ANKHD1: variants seen among roughly 807,000 people sequenced by gnomAD.
The protein encoded by ANKHD1 is ankyrin repeat and KH domain-containing protein 1.
ANKHD1 carries 31 observed loss-of-function variants against 230.5 expected under a neutral mutation model. The ratio of observed to expected loss-of-function variants is 0.13; its 90% CI spans 0.10 to 0.18. The LOEUF (loss-of-function observed/expected upper bound fraction) is 0.18. Ranked by LOEUF, ANKHD1 falls within the 10% of genes least tolerant of loss-of-function variation. The probability of loss-of-function intolerance (pLI) is 1.00; values close to 1 mark genes in which losing one functional copy is unlikely to be tolerated. For synonymous variants in ANKHD1, 1,074 were observed against 1,117.6 expected, an observed-to-expected ratio of 0.96 and a Z score of 0.78; for missense variants, 2,256 against 3,071.3, an observed-to-expected ratio of 0.73 and a Z score of 6.27.
chr5:140,471,186 A>C (rs1390052935), intron 10 of ANKHD1, among the ~76,000 whole-genome samples: 1 of 152,154 alleles, frequency 6.6e-6, no homozygotes, highest in Admixed American at 6.5e-5. Context: ...AGTGATGCTC[A>C]ATCTGTATTT....
chr5:140,517,379 A>C (rs1753073633), intron 24 of ANKHD1, among the ~76,000 whole-genome samples: 1 of 150,304 alleles, frequency 6.7e-6, no homozygotes, highest in Non-Finnish European at 1.5e-5. Context: ...TAGACAGATC[A>C]ACGAGACAGA....
At chr5:140,530,638 T>C (rs566350020) in intron 29 of ANKHD1, among the ~76,000 whole-genome samples, 4 of 152,380 alleles carry the variant, frequency 2.6e-5, no homozygotes, top group Non-Finnish European at 4.4e-5. Context: ...GAGAAATATA[T>C]AGACAGATCT....
intron 2 of ANKHD1, 85 bp from the exon 3 acceptor site, chr5:140,438,376 T>A (rs1007571215): frequency 1.2e-5 from 17 of 1,430,284 alleles, no homozygotes; most frequent in Non-Finnish European, 1.4e-5. Context: ...TAGATAATAG[T>A]GTTTAGAAAT....
At chr5:140,422,013 T>A (rs1772020207) in intron 1 of ANKHD1, among the ~76,000 whole-genome samples, 1 of 152,204 alleles carries the variant, frequency 6.6e-6, no homozygotes, top group Non-Finnish European at 1.5e-5. Flanking sequence ...GAAGAAAATC[T>A]TGGTTAATTT....
chr5:140,510,820 T>C (rs1001708832), intron 22 of ANKHD1, among the ~76,000 whole-genome samples: 9 of 149,864 alleles, frequency 6.0e-5, no homozygotes, highest in Non-Finnish European at 3.0e-5. Flanking sequence ...TCTGTGTGCG[T>C]GTGTGTGTGT....
rs564727500 is a variant in ANKHD1 at position 140,532,849 on chromosome 5, T to C, written c.6851-2513T>C. 262 of 410,704 alleles carry C rather than the reference T, an allele frequency of 6.4e-4. 2 individuals carry two copies. Among genetic ancestry groups the C allele is most frequent in the South Asian group, 8.8e-4 (52 of 59,152 alleles). The allele number at this position is 410,704 out of a possible 1,614,324, so 25.4% of individuals were successfully genotyped here. ...TTAGCTGGGCATGGTGGCTCACGCC[T>C]GTGCTGGGAGGCTGAGTTGGGTGGA... is the stretch of plus-strand genomic sequence containing the variant. On this transcript the variant is annotated intron_variant, in intron 29 of 33. Coordinates refer to ENST00000360839, the MANE Select transcript of ANKHD1 (RefSeq NM_017747.3).
intron 29 of ANKHD1, 139 bp downstream of exon 29, chr5:140,529,935 C>T (rs1174395029): frequency 3.8e-5 from 51 of 1,325,342 alleles, no homozygotes; most frequent in South Asian, 2.8e-4. Context: ...ATTTTTCTGT[C>T]CCTCATAGTA....
intron 23 of ANKHD1, 112 bp downstream of exon 23, chr5:140,513,035 T>A: frequency 9.7e-7 from 1 of 1,034,862 alleles, no homozygotes; most frequent in Non-Finnish European, 1.4e-6. Context: ...TCACCTGATC[T>A]CTTTATGCGT....
intron 14 of ANKHD1, among the ~76,000 whole-genome samples, chr5:140,495,035 A>G (rs1036981604): frequency 1.3e-5 from 2 of 152,036 alleles, no homozygotes; most frequent in Admixed American, 6.6e-5. Context: ...CCTGTTTGCA[A>G]TTGATCCTCA....
At chr5:140,499,428 A>C (rs1374535580) in intron 15 of ANKHD1, among the ~76,000 whole-genome samples, 1 of 152,166 alleles carries the variant, frequency 6.6e-6, no homozygotes, top group African/African-American at 2.4e-5. Context: ...AATACTGTAC[A>C]TCTTAAAATT....
intron 1 of ANKHD1, among the ~76,000 whole-genome samples, chr5:140,432,712 A>T (rs780731378): frequency 6.7e-6 from 1 of 148,546 alleles, no homozygotes; most frequent in Non-Finnish European, 1.5e-5. Flanking sequence ...CCTTATATTA[A>T]TTTTTTTTTT....
chr5:140,466,281 C>A (rs534396335), intron 10 of ANKHD1, among the ~76,000 whole-genome samples: 1 of 151,994 alleles, frequency 6.6e-6, no homozygotes, highest in South Asian at 2.1e-4. Context: ...ATCCCAGCTA[C>A]TTGGGAGGCT....
intron 29 of ANKHD1, 145 bp from the exon 30 acceptor site, chr5:140,535,217 G>A: frequency 1.6e-6 from 2 of 1,278,936 alleles, no homozygotes; most frequent in Non-Finnish European, 2.1e-6. Flanking sequence ...TGTTTTTGCT[G>A]TGGTCTATGA....
chr5:140,484,179 C>CT (rs1237320399), intron 11 of ANKHD1, among the ~76,000 whole-genome samples: 1 of 152,106 alleles, frequency 6.6e-6, no homozygotes, highest in African/African-American at 2.4e-5. Context: ...ATTAGACAAA[C>CT]TAATAGTAGT....
chr5:140,435,716 A>G (rs1361530977), intron 1 of ANKHD1, among the ~76,000 whole-genome samples: 2 of 151,072 alleles, frequency 1.3e-5, no homozygotes, highest in African/African-American at 2.4e-5. Flanking sequence ...TTTTTTTTTA[A>G]TAGATATGGG....
At chr5:140,447,269 C>G (rs1423130103) in intron 6 of ANKHD1, among the ~76,000 whole-genome samples, 1 of 152,006 alleles carries the variant, frequency 6.6e-6, no homozygotes, top group African/African-American at 2.4e-5. Context: ...GTGGCACTGT[C>G]ATAGCTCACT....
intron 1 of ANKHD1, among the ~76,000 whole-genome samples, chr5:140,428,045 G>A (rs553499107): frequency 6.6e-5 from 10 of 151,748 alleles, no homozygotes; most frequent in East Asian, 1.9e-4. Flanking sequence ...ATGGGCAGCC[G>A]GGCAGAGACG....
At chr5:140,458,108 A>C (rs1775354529) in intron 7 of ANKHD1, among the ~76,000 whole-genome samples, 1 of 152,198 alleles carries the variant, frequency 6.6e-6, no homozygotes, top group African/African-American at 2.4e-5. Flanking sequence ...AGAGACATTT[A>C]TGTTGGTGAC....
chr5:140,424,006 A>C (rs2126879631), intron 1 of ANKHD1, among the ~76,000 whole-genome samples: 1 of 152,320 alleles, frequency 6.6e-6, no homozygotes, highest in Non-Finnish European at 1.5e-5. Flanking sequence ...TCGTAGATAA[A>C]GGATCCAAAT....
Sources: gnomAD v4.1 joint callset for allele counts (sites outside exome capture counted in the v4.1 genomes callset) on GRCh38, gnomAD v4.1.1 for gene constraint, MANE v1.5 for transcripts, NCBI Gene and HGNC (gene_info 2026-07-23, HGNC 2026-07-21) for gene names.